GRIN2A: variants seen among roughly 807,000 people sequenced by gnomAD.
GRIN2A encodes glutamate receptor ionotropic, NMDA 2A.
GRIN2A carries 22 observed loss-of-function variants against 113.4 expected under a neutral mutation model. The observed-to-expected ratio is 0.19, with a 90% CI of 0.14 to 0.28. The LOEUF is 0.28. Among genes scored for constraint, GRIN2A ranks in the 10% least tolerant of loss-of-function variants. GRIN2A has a pLI of 1.00. For synonymous variants in GRIN2A, 827 were observed against 738.4 expected (o/e 1.12, Z -1.94); for missense variants, 1,502 against 1,887.0 (o/e 0.80, Z 3.78).
intron 9 of GRIN2A, among the ~76,000 whole-genome samples, chr16:9,823,397 A>G (rs1447027408): frequency 6.6e-6 from 1 of 152,198 alleles, no homozygotes; most frequent in Non-Finnish European, 1.5e-5. Context: ...CCATCTGTAG[A>G]GTGGGGGGCC....
At chr16:9,962,068 G>GCTGAAA (rs1217924935) in intron 2 of GRIN2A, among the ~76,000 whole-genome samples, 2 of 152,148 alleles carry the variant, frequency 1.3e-5, no homozygotes, top group Non-Finnish European at 2.9e-5. Flanking sequence ...TATGTAGAAA[G>GCTGAAA]CTGAAACTGG....
At chr16:9,959,717 T>C (rs1466017354) in intron 2 of GRIN2A, among the ~76,000 whole-genome samples, 2 of 152,238 alleles carry the variant, frequency 1.3e-5, no homozygotes, top group Non-Finnish European at 2.9e-5. Context: ...CTCACGCCTG[T>C]AATCCTAACA....
In GRIN2A at chr16:9,774,726, T is replaced by G. The variant is rs538390161; in HGVS notation, c.2357-5637A>C. On this transcript the variant is annotated intron_variant, in intron 11 of 12. Coordinates refer to ENST00000330684, the MANE Select transcript of GRIN2A (RefSeq NM_001134407.3). Reference sequence around the variant, plus strand: ...TCGAGCAAATGGGAGTACATCAGAATTTATCTCATAGGAGTTTTGTTAGAA... The same window carrying G: ...TCGAGCAAATGGGAGTACATCAGAAGTTATCTCATAGGAGTTTTGTTAGAA... Among the ~76,000 whole-genome samples the G allele has an allele frequency of 9.2e-5, 14 of 152,374 alleles. No homozygotes were observed. In the South Asian group the frequency reaches 2.3e-3, roughly 25 times the overall value.
At chr16:9,968,200 C>T (rs2045594693) in intron 2 of GRIN2A, among the ~76,000 whole-genome samples, 1 of 152,174 alleles carries the variant, frequency 6.6e-6, no homozygotes, top group African/African-American at 2.4e-5. Flanking sequence ...TCTCTCTAGG[C>T]TTTGTATTGC....
chr16:10,113,883 G>A (rs912542620), intron 2 of GRIN2A, among the ~76,000 whole-genome samples: 3 of 152,100 alleles, frequency 2.0e-5, no homozygotes, highest in Non-Finnish European at 4.4e-5. Flanking sequence ...TGACCTTGAG[G>A]AGTAGAGTCT....
At chr16:9,818,922 C>T (rs1376237849) in intron 10 of GRIN2A, among the ~76,000 whole-genome samples, 1 of 152,196 alleles carries the variant, frequency 6.6e-6, no homozygotes, top group Non-Finnish European at 1.5e-5. Context: ...ATATTCACTA[C>T]AGCTTTGTTT....
chr16:10,080,759 G>C (rs912573784), intron 2 of GRIN2A, among the ~76,000 whole-genome samples: 2 of 152,084 alleles, frequency 1.3e-5, no homozygotes, highest in Admixed American at 6.6e-5. Context: ...CAATGCCTGG[G>C]ACCCTCTTAC....
chr16:9,878,869 A>G (rs28616820), intron 4 of GRIN2A, among the ~76,000 whole-genome samples: 6,858 of 152,094 alleles, frequency 0.045, 518 homozygotes, highest in African/African-American at 0.16. Context: ...ACACACACAC[A>G]CACACACACG....
At chr16:9,949,512 C>T (rs911648343) in intron 2 of GRIN2A, among the ~76,000 whole-genome samples, 16 of 144,652 alleles carry the variant, frequency 1.1e-4, no homozygotes, top group South Asian at 4.4e-4. Context: ...GGATGGATGA[C>T]GGAAGAGAAA....
At chr16:9,949,753 A>G (rs2045130670) in intron 2 of GRIN2A, among the ~76,000 whole-genome samples, 1 of 151,904 alleles carries the variant, frequency 6.6e-6, no homozygotes, top group African/African-American at 2.4e-5. Flanking sequence ...GGGTGGGTGG[A>G]TGGATGGATG....
chr16:9,913,818 C>G (rs1323004046), intron 3 of GRIN2A, among the ~76,000 whole-genome samples: 2 of 152,076 alleles, frequency 1.3e-5, no homozygotes, highest in Non-Finnish European at 2.9e-5. Context: ...TGACTCAATC[C>G]TCAAGGCTCT....
chr16:9,817,793 G>A (rs2042212357), intron 10 of GRIN2A, among the ~76,000 whole-genome samples: 1 of 152,204 alleles, frequency 6.6e-6, no homozygotes, highest in Non-Finnish European at 1.5e-5. Context: ...GTGCATGCAC[G>A]TGGCTTTGCT....
chr16:10,026,579 ACTCTCCC>A (rs1167035246), intron 2 of GRIN2A, among the ~76,000 whole-genome samples: 6,956 of 151,666 alleles, frequency 0.046, 276 homozygotes, highest in African/African-American at 0.1. Flanking sequence ...TTCATCTCTA[ACTCTCCC>A]TTTCTGTCAA....
chr16:9,827,113 G>A (rs1315193537), intron 9 of GRIN2A, among the ~76,000 whole-genome samples: 2 of 152,196 alleles, frequency 1.3e-5, no homozygotes, highest in Admixed American at 6.5e-5. Flanking sequence ...TACATATGTG[G>A]CTTTCTTTCA....
chr16:10,086,654 C>T (rs1312102813), intron 2 of GRIN2A, among the ~76,000 whole-genome samples: 2 of 147,810 alleles, frequency 1.4e-5, no homozygotes. Context: ...TATCTGGCTA[C>T]ATATCTACCT....
chr16:9,954,024 AG>A (rs1426473933), intron 2 of GRIN2A, among the ~76,000 whole-genome samples: 1 of 152,148 alleles, frequency 6.6e-6, no homozygotes, highest in Non-Finnish European at 1.5e-5. Context: ...AACTGGGGTC[AG>A]GGGGCTCCTC....
At chr16:10,065,700 T>C (rs761679731) in intron 2 of GRIN2A, among the ~76,000 whole-genome samples, 5 of 152,226 alleles carry the variant, frequency 3.3e-5, no homozygotes, top group Non-Finnish European at 5.9e-5. Context: ...TTAATAATTA[T>C]GGAAGAGCTC....
At chr16:10,045,412 A>AT (rs35008944) in intron 2 of GRIN2A, among the ~76,000 whole-genome samples, 42 of 149,602 alleles carry the variant, frequency 2.8e-4, no homozygotes, top group Admixed American at 4.7e-4. Context: ...CCTCTTGCAA[A>AT]TTTTTTTTTT....
rs890386856 is a variant in GRIN2A at position 10,112,404 on chromosome 16, C to T, written c.414+67594G>A. 27 of 710,072 alleles carry T rather than the reference C, an allele frequency of 3.8e-5. No homozygotes were observed. The East Asian group carries it at 6.6e-4, about 17-fold the overall frequency. The allele number at this position is 710,072 out of a possible 1,614,324, so 44.0% of individuals were successfully genotyped here. On this transcript the variant is annotated intron_variant, in intron 2 of 12. Transcript: ENST00000330684. ...GGAAGTGATGGCCTGCGGTCAGCCC[C>T]AGGGCACTGCTGTGTACAAGGTGGC...
Sources: allele counts gnomAD v4.1 joint callset (sites outside exome capture counted in the v4.1 genomes callset), GRCh38; gene constraint gnomAD v4.1.1; transcripts MANE v1.5; gene names NCBI Gene and HGNC (gene_info 2026-07-23, HGNC 2026-07-21).